Variants in CEP72 observed in about 807,000 individuals in gnomAD.
The protein encoded by CEP72 is centrosomal protein 72.
A neutral mutation model predicts 65.7 loss-of-function variants in CEP72; 78 were observed. The ratio of observed to expected loss-of-function variants is 1.19; its 90% CI spans 0.99 to 1.43. The LOEUF (loss-of-function observed/expected upper bound fraction) is 1.43. Ranked by LOEUF, CEP72 falls within the 40% of genes most tolerant of loss-of-function variation. The pLI, the probability that CEP72 is intolerant of heterozygous loss-of-function variation, is 0.00. For synonymous variants in CEP72, 358 were observed against 351.7 expected, an observed-to-expected ratio of 1.02 and a Z score of -0.20; for missense variants, 914 against 832.9, an observed-to-expected ratio of 1.10 and a Z score of -1.20.
At chr5:666,133 C>T (rs771495820) in intron 4 of CEP72, 1 of 1,610,036 alleles carries the variant, frequency 6.2e-7, no homozygotes, top group Non-Finnish European at 8.5e-7. Flanking sequence ...TCTACAGGGG[C>T]ACAGGCGACT....
At chr5:640,126 G>A (rs1022022238) in intron 8 of CEP72, among the ~76,000 whole-genome samples, 1 of 152,222 alleles carries the variant, frequency 6.6e-6, no homozygotes, top group African/African-American at 2.4e-5. Flanking sequence ...TGTGGAAGGC[G>A]CAGCGAGTTG....
At chr5:616,841 T>C (rs1736027959) in intron 1 of CEP72, among the ~76,000 whole-genome samples, 1 of 146,728 alleles carries the variant, frequency 6.8e-6, no homozygotes, top group East Asian at 2.0e-4. Context: ...TGCGCGCGAG[T>C]GGGGGTTTGC....
At chr5:654,846 G>A (rs1041377318), downstream of CEP72, among the ~76,000 whole-genome samples, 1 of 115,272 alleles carries the variant, frequency 8.7e-6, no homozygotes, top group Non-Finnish European at 2.2e-5. Context: ...CTTCCTCCCT[G>A]TCCCCATCTG....
chr5:635,724 C>T (rs967421705), intron 6 of CEP72, 140 bp downstream of exon 6: 6 of 668,616 alleles, frequency 9.0e-6, no homozygotes, highest in African/African-American at 1.8e-5. Flanking sequence ...GCACCTGGTG[C>T]TGGTCCTCCC....
At chr5:668,387 G>A (rs1452667807), downstream of CEP72, among the ~76,000 whole-genome samples, 3 of 100,452 alleles carry the variant, frequency 3.0e-5, no homozygotes, top group Admixed American at 9.4e-5. Context: ...CGTGGGCCTC[G>A]TCAGGGAAGT....
At chr5:668,631 A>G (rs951355446), downstream of CEP72, among the ~76,000 whole-genome samples, 3 of 152,236 alleles carry the variant, frequency 2.0e-5, no homozygotes, top group African/African-American at 7.2e-5. Flanking sequence ...CGGCAGAGCC[A>G]CTGTGGACAG....
In CEP72 at chr5:635,360, A is replaced by C; in HGVS notation, c.692-12A>C. The C allele has an allele frequency of 6.5e-7, 1 of 1,547,490 alleles. No individual in the cohort carries two copies. Among genetic ancestry groups the C allele is most frequent in the Non-Finnish European group, 8.8e-7 (1 of 1,132,780 alleles). ...TGTTTTATGAAATATTTTATTTACA[A>C]TATTTTAATAGAATCCAGACATCTG... On this transcript the variant is annotated splice_polypyrimidine_tract_variant and intron_variant, in intron 5 of 11. Transcript: ENST00000264935.
rs546391041 is a variant in CEP72, at chr5:643,259, C to T, written c.1540-1040C>T. On this transcript the variant is annotated intron_variant, in intron 9 of 11. Coordinates refer to ENST00000264935, the MANE Select transcript of CEP72 (RefSeq NM_018140.4). ...TCACAGCCCTGCCTTAAGAGCTCAC[C>T]GCATCCTTGGGAGGCAAAACCATGA... 2.2e-5 allele frequency: 22 copies of T among 985,380 alleles called. No homozygotes were observed. The Admixed American group carries it at 3.1e-4, about 14-fold the overall frequency. 61.0% of individuals were successfully genotyped at this position (985,380 alleles called of 1,614,324 possible).
intron 5 of CEP72, among the ~76,000 whole-genome samples, chr5:635,095 T>C (rs981964378): frequency 6.6e-6 from 1 of 152,178 alleles, no homozygotes; most frequent in Non-Finnish European, 1.5e-5. Context: ...CTCTCTCTTC[T>C]GTTTTGTGCA....
intron 7 of CEP72, among the ~76,000 whole-genome samples, chr5:638,664 G>T (rs919354729): frequency 4.6e-5 from 7 of 152,170 alleles, no homozygotes; most frequent in African/African-American, 1.2e-4. Context: ...CTGTTTCAGG[G>T]TTATTGTTTG....
At chr5:616,336 C>T (rs1735987065) in intron 1 of CEP72, among the ~76,000 whole-genome samples, 1 of 152,104 alleles carries the variant, frequency 6.6e-6, no homozygotes, top group South Asian at 2.1e-4. Context: ...CTTTATATCT[C>T]CTGTTTCTTT....
At position 624,412 on chromosome 5, in the gene CEP72, GT is replaced by G; in HGVS notation, c.404-58del. ...CCCTGCCCCGTGTAGATGCCCCAGGGTGGATGCAGCCGCCCGCCGCTTGCCA... is the reference window on the plus strand; with the variant it reads ...CCCTGCCCCGTGTAGATGCCCCAGGGGGATGCAGCCGCCCGCCGCTTGCCA... On this transcript the variant is annotated intron_variant, in intron 3 of 11. Coordinates refer to ENST00000264935, the MANE Select transcript of CEP72 (RefSeq NM_018140.4). The surrounding 1 kb of genome is among the most constrained non-coding windows in gnomAD (Gnocchi z 4.7). The G allele has an allele frequency of 8.0e-7, 1 of 1,251,718 alleles. No individual in the cohort carries two copies. Among genetic ancestry groups the G allele is most frequent in the South Asian group, 1.2e-5 (1 of 83,018 alleles). 77.5% of individuals were successfully genotyped at this position (1,251,718 alleles called of 1,614,324 possible). A position where few individuals can be genotyped will look rare whatever the true frequency, so the allele number is the denominator to read the frequency against.
In CEP72 at chr5:620,267, C is replaced by G; in HGVS notation, c.403+6C>G. On this transcript the variant is annotated splice_donor_region_variant and intron_variant, in intron 3 of 11. Coordinates refer to ENST00000264935, the MANE Select transcript of CEP72 (RefSeq NM_018140.4). Reference sequence around the variant, plus strand: ...CCCCAAGCTCCAGCAGCTGGGTAGGCATCAGGCAGGGCCACGCTCATGCTT... The same window carrying G: ...CCCCAAGCTCCAGCAGCTGGGTAGGGATCAGGCAGGGCCACGCTCATGCTT... 6.2e-7 allele frequency: 1 copy of G among 1,611,994 alleles called. No homozygotes were observed. The highest frequency in any genetic ancestry group is 8.5e-7 in the Non-Finnish European group (1 of 1,178,142).
chr5:627,999 G>A (rs1218418814), intron 4 of CEP72, among the ~76,000 whole-genome samples: 1 of 152,188 alleles, frequency 6.6e-6, no homozygotes, highest in African/African-American at 2.4e-5. Flanking sequence ...AGCGTCACTC[G>A]GTGCGTGCAG....
chr5:668,406 GC>G (rs1378719825), downstream of CEP72, among the ~76,000 whole-genome samples: 3 of 116,464 alleles, frequency 2.6e-5, no homozygotes, highest in African/African-American at 1.1e-4. Context: ...GTACCGACAA[GC>G]ACACAGAGAG....
chr5:669,653 TCGG>T (rs1740126619), downstream of CEP72, among the ~76,000 whole-genome samples: 1 of 151,958 alleles, frequency 6.6e-6, no homozygotes, highest in Admixed American at 6.5e-5. Context: ...CATGAGTCAC[TCGG>T]CGGGAGGGGG....
chr5:636,430 GA>G (rs1737602951), intron 6 of CEP72, among the ~76,000 whole-genome samples: 1 of 152,208 alleles, frequency 6.6e-6, no homozygotes, highest in African/African-American at 2.4e-5. Flanking sequence ...GCTACATTTT[GA>G]AAATCAAAGG....
rs778946641 is a variant in CEP72, at chr5:624,580, G to T, written c.512+1G>T. Reference sequence around the variant, plus strand: ...TCCCAGCTTCTTTGAAAGAGGGCAGGTATGAACGGAAGTGCTACGGACACC... The same window carrying T: ...TCCCAGCTTCTTTGAAAGAGGGCAGTTATGAACGGAAGTGCTACGGACACC... On this transcript the variant is annotated splice_donor_variant, in intron 4 of 11. Transcript: ENST00000264935. LOFTEE classifies it high-confidence loss of function. The surrounding 1 kb of genome is among the most constrained non-coding windows in gnomAD (Gnocchi z 4.7). 26 of 1,601,706 alleles carry T rather than the reference G, an allele frequency of 1.6e-5. No homozygotes were observed. In the East Asian group the frequency reaches 5.8e-4, roughly 36 times the overall value.
intron 9 of CEP72, 141 bp from the exon 10 acceptor site, chr5:644,158 A>G: frequency 1.1e-6 from 1 of 922,624 alleles, no homozygotes; most frequent in Non-Finnish European, 1.7e-6. Context: ...TGTACCGTGA[A>G]ACTGAATTAC....
Sources: allele counts gnomAD v4.1 joint callset (sites outside exome capture counted in the v4.1 genomes callset), GRCh38; gene constraint gnomAD v4.1.1; non-coding constraint Gnocchi (gnomAD v3.1); transcripts MANE v1.5; gene names NCBI Gene and HGNC (gene_info 2026-07-23, HGNC 2026-07-21).